Variants in ZFPM2 observed in about 807,000 individuals in gnomAD.
The protein encoded by ZFPM2 is zinc finger protein ZFPM2.
A neutral mutation model predicts 98.6 loss-of-function variants in ZFPM2; 20 were observed. The observed-to-expected ratio is 0.20, with a 90% confidence interval of 0.14 to 0.29. The LOEUF (loss-of-function observed/expected upper bound fraction) is 0.29, where lower values mean the gene tolerates loss of function less well. Among genes scored for constraint, ZFPM2 ranks in the 10% least tolerant of loss-of-function variants. The pLI is 1.00. For missense variants in ZFPM2, 1,310 were observed against 1,388.6 expected (o/e 0.94, Z 0.90); for synonymous variants, 518 against 502.7 (o/e 1.03, Z -0.41).
intron 3 of ZFPM2, among the ~76,000 whole-genome samples, chr8:105,500,235 G>C (rs1421823702): frequency 2.0e-5 from 3 of 151,990 alleles, no homozygotes; most frequent in Non-Finnish European, 2.9e-5. Flanking sequence ...TTATCCTACT[G>C]ACTAGCATGC....
chr8:105,609,205 G>A (rs771573515), intron 4 of ZFPM2, among the ~76,000 whole-genome samples: 5 of 152,118 alleles, frequency 3.3e-5, no homozygotes, highest in Non-Finnish European at 7.4e-5. Context: ...AGCTGAACAA[G>A]ATCTGAAGGA....
intron 5 of ZFPM2, among the ~76,000 whole-genome samples, chr8:105,655,437 G>T (rs1223508710): frequency 6.6e-6 from 1 of 151,898 alleles, no homozygotes; most frequent in Non-Finnish European, 1.5e-5. Context: ...CTCCACATTG[G>T]TCAGACTGGT....
chr8:105,634,981 G>C (rs1350714983), intron 5 of ZFPM2, among the ~76,000 whole-genome samples: 3 of 152,174 alleles, frequency 2.0e-5, no homozygotes, highest in East Asian at 1.9e-4. Context: ...AGGAGCAGCA[G>C]CTCCATGATG....
At chr8:105,401,473 A>T (rs2129984527) in intron 1 of ZFPM2, among the ~76,000 whole-genome samples, 1 of 152,178 alleles carries the variant, frequency 6.6e-6, no homozygotes, top group African/African-American at 2.4e-5. Context: ...GATTTTTAAG[A>T]TTTCCCATAC....
chr8:105,354,447 C>A lies in ZFPM2; in HGVS notation c.40+35466C>A, dbSNP rs568790142. ...TTAAACATTCATCAGACTTCACACTCTTTTTTTGTTATTTGTTGTAGCAGA... is the reference window on the plus strand; with the variant it reads ...TTAAACATTCATCAGACTTCACACTATTTTTTTGTTATTTGTTGTAGCAGA... On this transcript the variant is annotated intron_variant, in intron 1 of 7. Transcript: ENST00000407775. Among the ~76,000 whole-genome samples the A allele has an allele frequency of 1.4e-3, 216 of 151,772 alleles. 1 individual carries two copies. The highest frequency in any genetic ancestry group is 2.6e-3 in the Non-Finnish European group (174 of 67,662).
chr8:105,472,488 T>G (rs1812923122), intron 3 of ZFPM2, among the ~76,000 whole-genome samples: 1 of 152,086 alleles, frequency 6.6e-6, no homozygotes, highest in African/African-American at 2.4e-5. Context: ...TGAACACTCC[T>G]TGTGTTTTGT....
At chr8:105,569,248 G>A (rs946231750) in intron 4 of ZFPM2, among the ~76,000 whole-genome samples, 2 of 152,134 alleles carry the variant, frequency 1.3e-5, no homozygotes, top group Admixed American at 6.6e-5. Flanking sequence ...TTAGAACAAT[G>A]TCTAGCTTAT....
chr8:105,703,875 C>T (rs149649614), intron 5 of ZFPM2, among the ~76,000 whole-genome samples: 3 of 152,170 alleles, frequency 2.0e-5, no homozygotes, highest in East Asian at 3.9e-4. Context: ...ACTATCCACC[C>T]GCCCTTCATT....
At chr8:105,702,582 A>G (rs190155391) in intron 5 of ZFPM2, among the ~76,000 whole-genome samples, 2 of 152,356 alleles carry the variant, frequency 1.3e-5, no homozygotes, top group East Asian at 3.9e-4. Flanking sequence ...CTTTAACGGC[A>G]AACCAAAATT....
chr8:105,752,523 A>G (rs9643022), intron 5 of ZFPM2, among the ~76,000 whole-genome samples: 14,173 of 152,194 alleles, frequency 0.093, 784 homozygotes, highest in African/African-American at 0.13. Flanking sequence ...AACAGCATGC[A>G]TATTTTAAAG....
intron 5 of ZFPM2, among the ~76,000 whole-genome samples, chr8:105,754,803 G>C (rs922724687): frequency 6.6e-6 from 1 of 151,946 alleles, no homozygotes; most frequent in Non-Finnish European, 1.5e-5. Context: ...CAAACATGAC[G>C]GTTGCAAAAT....
At chr8:105,519,061 A>G (rs1167680507) in intron 3 of ZFPM2, among the ~76,000 whole-genome samples, 1 of 152,188 alleles carries the variant, frequency 6.6e-6, no homozygotes, top group Non-Finnish European at 1.5e-5. Context: ...GCAAATATGA[A>G]TAAATCATTT....
chr8:105,439,359 A>C (rs1812191392), intron 2 of ZFPM2, among the ~76,000 whole-genome samples: 1 of 152,132 alleles, frequency 6.6e-6, no homozygotes, highest in Non-Finnish European at 1.5e-5. Flanking sequence ...GAGAGATGTA[A>C]AGAGAAAGGA....
intron 1 of ZFPM2, among the ~76,000 whole-genome samples, chr8:105,324,302 T>G (rs1812078647): frequency 6.6e-6 from 1 of 151,860 alleles, no homozygotes. Context: ...TTTGCCTATA[T>G]CTATATGTAT....
chr8:105,564,306 CTTT>C (rs1238985841), intron 4 of ZFPM2, among the ~76,000 whole-genome samples: 1 of 151,824 alleles, frequency 6.6e-6, no homozygotes, highest in Non-Finnish European at 1.5e-5. Flanking sequence ...CAGTTTTCTT[CTTT>C]TGTCTTAGGC....
chr8:105,561,556 C>A, intron 4 of ZFPM2, 75 bp downstream of exon 4: 1 of 1,167,068 alleles, frequency 8.6e-7, no homozygotes, highest in Non-Finnish European at 1.2e-6. Flanking sequence ...GAAATTCTCT[C>A]TGCTTGCTTT....
intron 5 of ZFPM2, among the ~76,000 whole-genome samples, chr8:105,640,916 T>C (rs1477242029): frequency 6.6e-6 from 1 of 152,054 alleles, no homozygotes; most frequent in Non-Finnish European, 1.5e-5. Context: ...AGAAAATGTA[T>C]AACCATTGTC....
intron 5 of ZFPM2, among the ~76,000 whole-genome samples, chr8:105,661,405 G>A (rs1260645901): frequency 1.3e-5 from 2 of 152,088 alleles, no homozygotes; most frequent in Admixed American, 6.5e-5. Flanking sequence ...AAATTTCTGC[G>A]AATATAGGTC....
At chr8:105,750,563 A>G (rs1369291043) in intron 5 of ZFPM2, among the ~76,000 whole-genome samples, 1 of 152,030 alleles carries the variant, frequency 6.6e-6, no homozygotes, top group Non-Finnish European at 1.5e-5. Flanking sequence ...GTGTTAGGAA[A>G]ATATTTCTGT....
Sources: allele counts gnomAD v4.1 joint callset (sites outside exome capture counted in the v4.1 genomes callset), GRCh38; gene constraint gnomAD v4.1.1; transcripts MANE v1.5; gene names NCBI Gene and HGNC (gene_info 2026-07-23, HGNC 2026-07-21).